TREML2: variants seen among roughly 807,000 people sequenced by gnomAD.
TREML2 encodes trem-like transcript 2 protein.
TREML2 carries 24 observed loss-of-function variants against 25.9 expected under a neutral mutation model. The ratio of observed to expected loss-of-function variants is 0.93; its 90% CI spans 0.67 to 1.30. TREML2 has a LOEUF of 1.30. Among genes scored for constraint, TREML2 ranks in the 50% most tolerant of loss-of-function variants. The pLI, the probability that TREML2 is intolerant of heterozygous loss-of-function variation, is 0.00. For synonymous variants in TREML2, 139 were observed against 155.2 expected (o/e 0.90, Z 0.77); for missense variants, 359 against 395.6 (o/e 0.91, Z 0.78).
In TREML2 at chr6:41,194,492, G is replaced by A. The variant is rs1766122141; in HGVS notation, c.718C>T (p.Pro240Ser). ...CTGGTGAGGCAGAGCCCTGTGGTGG[G>A]CGATCTGGTGCTGAGGTCCCCAGAC... ...TKSGDLSTRS[P>S]TTGLCLTSRS... Residue 240 changes from proline (P) to serine (S), a missense_variant, in exon 3 of 5, where the codon CCC (proline) becomes TCC (serine). Pro to Ser is a moderately conservative substitution (Grantham distance 74, BLOSUM62 -1). Coordinates refer to ENST00000483722, the MANE Select transcript of TREML2 (RefSeq NM_024807.4). The A allele has an allele frequency of 6.2e-7, 1 of 1,612,306 alleles. No individual in the cohort carries two copies. The highest frequency in any genetic ancestry group is 8.5e-7 in the Non-Finnish European group (1 of 1,179,358).
chr6:41,197,058 G>A (rs1766180439), intron 2 of TREML2, among the ~76,000 whole-genome samples: 1 of 152,150 alleles, frequency 6.6e-6, no homozygotes, highest in African/African-American at 2.4e-5. Context: ...CCCCTCAACT[G>A]AGCAAATCCT....
Position 41,192,646 on chromosome 6 carries a change from C to T in TREML2, c.887-140G>A, listed in dbSNP as rs1352322714. ...CCCTTAGGGTTGTGCTGGGTGGTCT[C>T]CGCCTGGCCGCCCTCCTCCCCAGGT... On this transcript the variant is annotated intron_variant, in intron 4 of 4. Coordinates refer to ENST00000483722, the MANE Select transcript of TREML2 (RefSeq NM_024807.4). The T allele has an allele frequency of 1.3e-5, 15 of 1,127,696 alleles. No individual in the cohort carries two copies. The Admixed American group carries it at 2.4e-4, about 18-fold the overall frequency. 69.9% of individuals were successfully genotyped at this position (1,127,696 alleles called of 1,614,324 possible).
At chr6:41,196,716 G>A (rs1766172814) in intron 2 of TREML2, among the ~76,000 whole-genome samples, 1 of 151,920 alleles carries the variant, frequency 6.6e-6, no homozygotes, top group South Asian at 2.1e-4. Flanking sequence ...CCTTCCCCCA[G>A]CCCTAAGCAA....
intron 1 of TREML2, among the ~76,000 whole-genome samples, chr6:41,200,373 G>A (rs1766253043): frequency 1.3e-5 from 2 of 152,130 alleles, no homozygotes; most frequent in South Asian, 4.1e-4. Context: ...CCCTCTCACA[G>A]GCAGTGGTGA....
intron 1 of TREML2, among the ~76,000 whole-genome samples, chr6:41,199,319 T>C (rs1466444879): frequency 3.3e-5 from 5 of 152,252 alleles, no homozygotes; most frequent in Non-Finnish European, 7.3e-5. Flanking sequence ...AGTTATTTAT[T>C]TCACAAATAG....
At chr6:41,192,693 A>T in intron 4 of TREML2, 108 bp downstream of exon 4, 1 of 1,206,106 alleles carries the variant, frequency 8.3e-7, no homozygotes, top group Non-Finnish European at 1.2e-6. Flanking sequence ...AGTCCTTTTG[A>T]CTGGACACAG....
intron 3 of TREML2, 40 bp from the exon 4 acceptor site, chr6:41,192,941 G>A: frequency 2.7e-6 from 4 of 1,494,378 alleles, no homozygotes; most frequent in South Asian, 1.3e-5. Context: ...TGAGCACCAA[G>A]GTCCCCCATC....
Position 41,192,535 on chromosome 6 carries a change from T to A in TREML2, c.887-29A>T, listed in dbSNP as rs1372085304. 4 of 1,603,998 alleles carry A rather than the reference T, an allele frequency of 2.5e-6. No individual in the cohort carries two copies. In the African/African-American group the frequency reaches 5.4e-5, roughly 21 times the overall value. On this transcript the variant is annotated intron_variant, in intron 4 of 4. Coordinates refer to ENST00000483722, the MANE Select transcript of TREML2 (RefSeq NM_024807.4). ...CAAGAAACAGGGAGAGCTGAGGAAGTGTCCTGCCCTGCCCACGGTGCCCCG... is the reference window on the plus strand; with the variant it reads ...CAAGAAACAGGGAGAGCTGAGGAAGAGTCCTGCCCTGCCCACGGTGCCCCG...
intron 1 of TREML2, among the ~76,000 whole-genome samples, chr6:41,200,342 A>T (rs1200374754): frequency 6.6e-6 from 1 of 152,116 alleles, no homozygotes; most frequent in Non-Finnish European, 1.5e-5. Context: ...CAATGTCTTC[A>T]TGTGTGCCTA....
At chr6:41,194,223 CT>C (rs1766117021) in intron 3 of TREML2, among the ~76,000 whole-genome samples, 1 of 118,330 alleles carries the variant, frequency 8.5e-6, no homozygotes, top group African/African-American at 3.2e-5. Context: ...CCCGACCCTC[CT>C]TTCCCCTGCC....
rs777205414 is a variant in TREML2, at chr6:41,192,832, G to A, written c.855C>T (p.Val285=). ...TGTGTCTCTTCTTCCAAAACCCATA[G>A]ACCATGATCAGCATCAGCACCAGGA... ...LTLLVLMLIM[V]YGFWKKRHMA... The change falls in exon 4 of 5, where the codon GTC becomes GTT. Residue 285 remains valine (V), a synonymous_variant. Coordinates refer to ENST00000483722, the MANE Select transcript of TREML2 (RefSeq NM_024807.4). 1 of 1,612,574 alleles carries A rather than the reference G, an allele frequency of 6.2e-7. No homozygotes were observed. The highest frequency in any genetic ancestry group is 1.1e-5 in the South Asian group (1 of 90,788).
intron 3 of TREML2, among the ~76,000 whole-genome samples, chr6:41,194,210 A>C (rs912149162): frequency 0.043 from 337 of 7,844 alleles, no homozygotes; most frequent in Middle Eastern, 0.25. Context: ...CCTCCTCCCC[A>C]CCCCCGACCC....
rs1040096963 is a variant in TREML2, at chr6:41,190,686, G to T, written c.*1741C>A. On this transcript the variant is annotated 3_prime_UTR_variant, in exon 5 of 5. Transcript: ENST00000483722. ...CTCCTCCTGGGCATCTCACTCAGAGGAAGCAGGGCCATCAGTGGTACTGGT... is the reference window on the plus strand; with the variant it reads ...CTCCTCCTGGGCATCTCACTCAGAGTAAGCAGGGCCATCAGTGGTACTGGT... The T allele has an allele frequency of 2.0e-5, 3 of 152,276 alleles. No individual in the cohort carries two copies. The highest frequency in any genetic ancestry group is 7.2e-5 in the African/African-American group (3 of 41,448). 9.4% of individuals were successfully genotyped at this position (152,276 alleles called of 1,614,324 possible). A position where few individuals can be genotyped will look rare whatever the true frequency, so the allele number is the denominator to read the frequency against.
intron 2 of TREML2, among the ~76,000 whole-genome samples, chr6:41,195,600 G>C (rs1005591376): frequency 1.3e-5 from 2 of 152,176 alleles, no homozygotes; most frequent in Non-Finnish European, 2.9e-5. Flanking sequence ...TCTGGAGAAG[G>C]GGACCCAGAA....
In TREML2 at chr6:41,192,237, C is replaced by A. The variant is rs796239687; in HGVS notation, c.*190G>T. On this transcript the variant is annotated 3_prime_UTR_variant, in exon 5 of 5. Transcript: ENST00000483722. ...CTCTGGGCCCCTCCCCAGGTTCCTG[C>A]CCCCAAGGAGAACACTGGGCTGTGG... The A allele has an allele frequency of 3.4e-6, 2 of 596,056 alleles. No homozygotes were observed. Among genetic ancestry groups the A allele is most frequent in the Non-Finnish European group, 6.0e-6 (2 of 331,712 alleles). The allele number at this position is 596,056 out of a possible 1,614,324, so 36.9% of individuals were successfully genotyped here. A position where few individuals can be genotyped will look rare whatever the true frequency, so the allele number is the denominator to read the frequency against.
rs186196560 is a variant in TREML2, at chr6:41,197,177, T to A, written c.376+932A>T. On this transcript the variant is annotated intron_variant, in intron 2 of 4. Transcript: ENST00000483722. ...CCTACATTGTACTCCAGGCCACTGT[T>A]GTTTCCAGCCAGATGCCCACAATGG... is the stretch of plus-strand genomic sequence containing the variant. Among the ~76,000 whole-genome samples, 559 of 152,334 alleles carry A rather than the reference T, an allele frequency of 3.7e-3. 15 individuals are homozygous for A. Among genetic ancestry groups the A allele is most frequent in the Admixed American group, 0.032 (485 of 15,308 alleles).
At chr6:41,197,927 A>G (rs1358623331) in intron 2 of TREML2, among the ~76,000 whole-genome samples, 182 bp downstream of exon 2, 1 of 152,238 alleles carries the variant, frequency 6.6e-6, no homozygotes, top group Non-Finnish European at 1.5e-5. Context: ...TTCAGGTCTC[A>G]TTATCTTCAT....
intron 4 of TREML2, 38 bp downstream of exon 4, chr6:41,192,763 C>T (rs1766090789): frequency 1.9e-6 from 3 of 1,566,702 alleles, no homozygotes; most frequent in Non-Finnish European, 2.6e-6. Context: ...TTACCCAGAG[C>T]TCTGCCCTCA....
At position 41,191,268 on chromosome 6, in the gene TREML2, A is replaced by G. The variant is rs1766056933; in HGVS notation, c.*1159T>C. 6.6e-6 allele frequency: 1 copy of G among 152,282 alleles called. No individual in the cohort carries two copies. The allele number at this position is 152,282 out of a possible 1,614,324, so 9.4% of individuals were successfully genotyped here. A position where few individuals can be genotyped will look rare whatever the true frequency, so the allele number is the denominator to read the frequency against. ...CTCCAGCCTTCATTGCTGGACGCCA[A>G]GCCAGTGCTCTGGACAATAGAGGCT... On this transcript the variant is annotated 3_prime_UTR_variant, in exon 5 of 5. Coordinates refer to ENST00000483722, the MANE Select transcript of TREML2 (RefSeq NM_024807.4).
Sources: allele counts gnomAD v4.1 joint callset (sites outside exome capture counted in the v4.1 genomes callset), GRCh38; gene constraint gnomAD v4.1.1; transcripts MANE v1.5; gene names NCBI Gene and HGNC (gene_info 2026-07-23, HGNC 2026-07-21).